The following FHIP2A variants were observed in gnomAD, a reference collection of about 807,000 sequenced individuals.
The protein encoded by FHIP2A is family with sequence similarity 160 member B1.
FHIP2A carries 46 observed loss-of-function variants against 93.5 expected under a neutral mutation model. The observed-to-expected ratio is 0.49, with a 90% CI of 0.39 to 0.63. The LOEUF (loss-of-function observed/expected upper bound fraction) is 0.63. Ranked by LOEUF, FHIP2A falls within the 20% of genes least tolerant of loss-of-function variation. The pLI is 0.00. For synonymous variants in FHIP2A, 332 were observed against 326.5 expected (o/e 1.02, Z -0.18); for missense variants, 769 against 909.7 (o/e 0.85, Z 1.99).
At chr10:114,856,349 T>A (rs1203909406) in intron 14 of FHIP2A, among the ~76,000 whole-genome samples, 1 of 152,150 alleles carries the variant, frequency 6.6e-6, no homozygotes, top group Non-Finnish European at 1.5e-5. Flanking sequence ...TGTTGCTTGG[T>A]TGGTCGTTTT....
At chr10:114,886,240 A>T in intron 16 of FHIP2A, among the ~76,000 whole-genome samples, 1 of 152,212 alleles carries the variant, frequency 6.6e-6, no homozygotes. Context: ...TGAGGAAACT[A>T]AAACACCAAG....
At chr10:114,853,614 C>A (rs751267047) in intron 13 of FHIP2A, among the ~76,000 whole-genome samples, 9 of 152,130 alleles carry the variant, frequency 5.9e-5, no homozygotes, top group Non-Finnish European at 1.3e-4. Flanking sequence ...AATGCAGTTA[C>A]AATTGTTTCA....
At chr10:114,872,849 C>T (rs570105071) in intron 16 of FHIP2A, among the ~76,000 whole-genome samples, 1 of 152,202 alleles carries the variant, frequency 6.6e-6, no homozygotes, top group African/African-American at 2.4e-5. Flanking sequence ...TCAAATCAAC[C>T]TCCAAATCCC....
chr10:114,899,638 C>A (rs923187555), exon 17 of FHIP2A: 33 of 647,502 alleles, frequency 5.1e-5, no homozygotes, highest in Non-Finnish European at 8.2e-5. Context: ...CCTGGTGGCC[C>A]CAGGCTGATT....
chr10:114,886,941 A>G (rs1363678163), intron 16 of FHIP2A, among the ~76,000 whole-genome samples: 1 of 152,006 alleles, frequency 6.6e-6, no homozygotes, highest in East Asian at 1.9e-4. Flanking sequence ...CTCTGTTTTT[A>G]CAGAAGAAGG....
Position 114,845,381 on chromosome 10 carries a change from G to C in FHIP2A, c.1028G>C (p.Ser343Thr), listed in dbSNP as rs1270654377. The C allele has an allele frequency of 6.2e-7, 1 of 1,607,678 alleles. No homozygotes were observed. Among genetic ancestry groups the C allele is most frequent in the Non-Finnish European group, 8.5e-7 (1 of 1,174,390 alleles). ...EAINWGLDSY[S>T]HKEDASAFPG... ...TTGTCTTACAGCTTGGACTCATATA[G>C]TCATAAAGAAGATGCTTCAGCATTT... Residue 343 changes from serine (S) to threonine (T), a missense_variant, in exon 8 of 17, where the codon AGT becomes ACT. Coordinates refer to ENST00000369248, the MANE Select transcript of FHIP2A (RefSeq NM_020940.4).
rs377045793 is a variant in FHIP2A, at chr10:114,871,155, A to G, written c.2192+9821A>G. 3.3e-5 allele frequency among the ~76,000 whole-genome samples: 5 copies of G among 150,658 alleles called. No homozygotes were observed. In the East Asian group the frequency reaches 7.8e-4, roughly 23 times the overall value. On this transcript the variant is annotated intron_variant, in intron 16 of 16. Coordinates refer to the FHIP2A transcript ENST00000369250. Reference sequence around the variant, plus strand: ...TATATATATACACACATATACACAAACACACACATTTTAAACTGCGTCTCT... The same window carrying G: ...TATATATATACACACATATACACAAGCACACACATTTTAAACTGCGTCTCT...
chr10:114,845,632 TTGTA>T lies in FHIP2A; in HGVS notation c.1128+155_1128+158del, dbSNP rs368717679. ...AGTAAACAAAAAAGTGTATATGTGT[TTGTA>T]TGTGTGTATTACAATTCCAGAATAA... On this transcript the variant is annotated intron_variant, in intron 8 of 16. Transcript: ENST00000369248. The T allele has an allele frequency of 1.2e-3, 723 of 603,794 alleles. 4 individuals are homozygous for T. In the African/African-American group the frequency reaches 0.012, roughly 10 times the overall value. The allele number at this position is 603,794 out of a possible 1,614,324, so 37.4% of individuals were successfully genotyped here.
intron 5 of FHIP2A, among the ~76,000 whole-genome samples, chr10:114,842,563 A>G (rs2083675174): frequency 6.6e-6 from 1 of 152,088 alleles, no homozygotes; most frequent in Admixed American, 6.5e-5. Context: ...AAGAATTAAC[A>G]TTGAGACTAT....
In FHIP2A at chr10:114,885,023, T is replaced by C. The variant is rs374808547; in HGVS notation, c.2193-14467T>C. ...TATCATCATTTTGATAATATTTGCA[T>C]TTCCCTATAAGAATATCCCTAAATG... On this transcript the variant is annotated intron_variant, in intron 16 of 16. Coordinates refer to the FHIP2A transcript ENST00000369250. Among the ~76,000 whole-genome samples the C allele has an allele frequency of 8.4e-4, 128 of 152,188 alleles. 1 individual carries two copies. Among genetic ancestry groups the C allele is most frequent in the South Asian group, 6.0e-3 (29 of 4,822 alleles).
intron 13 of FHIP2A, among the ~76,000 whole-genome samples, chr10:114,854,424 G>A (rs1044194649): frequency 2.2e-4 from 33 of 152,116 alleles, no homozygotes; most frequent in Middle Eastern, 3.4e-3. Context: ...CCTGGGAGGC[G>A]GAGGTTGTGG....
chr10:114,889,482 C>G (rs1433317419), intron 16 of FHIP2A, among the ~76,000 whole-genome samples: 2 of 152,226 alleles, frequency 1.3e-5, no homozygotes, highest in African/African-American at 4.8e-5. Context: ...TGTGTTGCCC[C>G]TGCAGATGCC....
At chr10:114,874,646 G>C (rs562137313) in intron 16 of FHIP2A, among the ~76,000 whole-genome samples, 33 of 152,236 alleles carry the variant, frequency 2.2e-4, no homozygotes, top group African/African-American at 7.7e-4. Context: ...GGGATTACAG[G>C]CGCGTGCCAC....
Position 114,863,415 on chromosome 10 carries a change from TC to T in FHIP2A, c.*1876del, listed in dbSNP as rs2083812083. 1 of 1,057,382 alleles carries T rather than the reference TC, an allele frequency of 9.5e-7. No individual in the cohort carries two copies. The highest frequency in any genetic ancestry group is 1.1e-6 in the Non-Finnish European group (1 of 872,216). The allele number at this position is 1,057,382 out of a possible 1,614,324, so 65.5% of individuals were successfully genotyped here. On this transcript the variant is annotated 3_prime_UTR_variant, in exon 17 of 17. Transcript: ENST00000369248. ...TAGGTGTAGTAGCAATGATATTACCTCTGAAACCAAATACTCTTTTATCCTT... is the reference window on the plus strand; with the variant it reads ...TAGGTGTAGTAGCAATGATATTACCTTGAAACCAAATACTCTTTTATCCTT...
At chr10:114,885,899 T>C (rs1010105386) in intron 16 of FHIP2A, among the ~76,000 whole-genome samples, 3 of 152,186 alleles carry the variant, frequency 2.0e-5, no homozygotes, top group South Asian at 2.1e-4. Flanking sequence ...AGGGCTTTGT[T>C]TACCCTGAGA....
chr10:114,831,771 A>T (rs576093767), intron 2 of FHIP2A, among the ~76,000 whole-genome samples: 1 of 152,322 alleles, frequency 6.6e-6, no homozygotes, highest in East Asian at 1.9e-4. Context: ...TTGGTGACTG[A>T]TGCTTACATA....
rs548451794 is a variant in FHIP2A, at chr10:114,840,962, G to T, written c.523-1971G>T. 1.3e-5 allele frequency among the ~76,000 whole-genome samples: 2 copies of T among 152,250 alleles called. 1 individual carries two copies. The highest frequency in any genetic ancestry group is 4.1e-4 in the South Asian group (2 of 4,824). On this transcript the variant is annotated intron_variant, in intron 5 of 16. Coordinates refer to ENST00000369248, the MANE Select transcript of FHIP2A (RefSeq NM_020940.4). ...CTGATGAGATCCCTAAAACAGAAGG[G>T]GAACAGTTTTAGTAGGAACCAAAGT...
At chr10:114,870,821 T>C (rs2083855783) in intron 16 of FHIP2A, among the ~76,000 whole-genome samples, 1 of 152,164 alleles carries the variant, frequency 6.6e-6, no homozygotes, top group South Asian at 2.1e-4. Flanking sequence ...CTCCTCTATG[T>C]ACTGCTTTGT....
rs1312960240 is a variant in FHIP2A, at chr10:114,862,008, CA to C, written c.*472del. ...TTTTAAGGTCAGAATTCTTATCAAA[CA>C]AAATATGAAAACTGTAAATGAGAAA... is the stretch of plus-strand genomic sequence containing the variant. On this transcript the variant is annotated 3_prime_UTR_variant, in exon 17 of 17. Coordinates refer to ENST00000369248, the MANE Select transcript of FHIP2A (RefSeq NM_020940.4). 1 of 971,484 alleles carries C rather than the reference CA, an allele frequency of 1.0e-6. No individual in the cohort carries two copies. The highest frequency in any genetic ancestry group is 1.2e-6 in the Non-Finnish European group (1 of 817,300). 60.2% of individuals were successfully genotyped at this position (971,484 alleles called of 1,614,324 possible).
Sources: allele counts gnomAD v4.1 joint callset (sites outside exome capture counted in the v4.1 genomes callset), GRCh38; gene constraint gnomAD v4.1.1; transcripts MANE v1.5; gene names NCBI Gene and HGNC (gene_info 2026-07-23, HGNC 2026-07-21).